GABRG3: variants seen among roughly 807,000 people sequenced by gnomAD.
The protein encoded by GABRG3 is gamma-aminobutyric acid receptor subunit gamma-3.
A neutral mutation model predicts 48.8 loss-of-function variants in GABRG3; 25 were observed. The observed-to-expected ratio is 0.51, with a 90% CI of 0.37 to 0.72. GABRG3 has a LOEUF of 0.72. Ranked by LOEUF, GABRG3 falls within the 30% of genes least tolerant of loss-of-function variation. The pLI is 0.00. For missense variants in GABRG3, 394 were observed against 577.9 expected, an observed-to-expected ratio of 0.68 and a Z score of 3.26; for synonymous variants, 227 against 217.6, an observed-to-expected ratio of 1.04 and a Z score of -0.38.
intron 5 of GABRG3, among the ~76,000 whole-genome samples, chr15:27,332,782 G>T (rs2140522543): frequency 6.6e-6 from 1 of 152,230 alleles, no homozygotes; most frequent in Non-Finnish European, 1.5e-5. Flanking sequence ...CAACTTTTAG[G>T]CTGGTCTTGG....
chr15:27,134,650 A>G (rs1398112242), intron 3 of GABRG3, among the ~76,000 whole-genome samples: 1 of 152,066 alleles, frequency 6.6e-6, no homozygotes, highest in Non-Finnish European at 1.5e-5. Context: ...CCTCAGAAAG[A>G]CCCAGGTGCA....
chr15:27,354,246 G>T (rs545821822), intron 5 of GABRG3, among the ~76,000 whole-genome samples: 1 of 152,330 alleles, frequency 6.6e-6, no homozygotes, highest in African/African-American at 2.4e-5. Flanking sequence ...GCATTTGTGA[G>T]TTATCATTTG....
At chr15:27,274,554 C>A (rs957118813) in intron 3 of GABRG3, among the ~76,000 whole-genome samples, 1 of 152,164 alleles carries the variant, frequency 6.6e-6, no homozygotes, top group Non-Finnish European at 1.5e-5. Context: ...AGAACTGTAC[C>A]AAGCCCAGTG....
At position 27,306,785 on chromosome 15, in the gene GABRG3, T is replaced by C. The variant is rs1243052261; in HGVS notation, c.271-20024T>C. ...ATATAAACATACAATATAAACATGTTTATATATAAACATACAATATAAACA... is the reference window on the plus strand; with the variant it reads ...ATATAAACATACAATATAAACATGTCTATATATAAACATACAATATAAACA... On this transcript the variant is annotated intron_variant, in intron 3 of 9. Transcript: ENST00000615808. Among the ~76,000 whole-genome samples, 6 of 105,972 alleles carry C rather than the reference T, an allele frequency of 5.7e-5. 1 individual carries two copies. Among genetic ancestry groups the C allele is most frequent in the African/African-American group, 2.4e-4 (6 of 25,250 alleles). 69.5% of individuals were successfully genotyped at this position (105,972 alleles called of 152,430 possible). A position where few individuals can be genotyped will look rare whatever the true frequency, so the allele number is the denominator to read the frequency against.
At chr15:26,991,789 C>T (rs535468870) in intron 2 of GABRG3, among the ~76,000 whole-genome samples, 2 of 152,080 alleles carry the variant, frequency 1.3e-5, no homozygotes, top group African/African-American at 4.8e-5. Context: ...GGCATGATCT[C>T]GGCTCACTGC....
chr15:27,182,416 G>A (rs1887960591), intron 3 of GABRG3, among the ~76,000 whole-genome samples: 1 of 152,182 alleles, frequency 6.6e-6, no homozygotes, highest in Non-Finnish European at 1.5e-5. Context: ...CTACATCCAT[G>A]GATTGTACAG....
intron 3 of GABRG3, among the ~76,000 whole-genome samples, chr15:27,314,450 G>C (rs1224064466): frequency 6.6e-6 from 1 of 152,154 alleles, no homozygotes; most frequent in South Asian, 2.1e-4. Context: ...TGGAGCCCTT[G>C]TACACCCTTG....
intron 3 of GABRG3, among the ~76,000 whole-genome samples, chr15:27,028,868 A>C (rs1054166547): frequency 1.3e-5 from 2 of 152,002 alleles, no homozygotes; most frequent in African/African-American, 4.8e-5. Flanking sequence ...CCCTGAAAAA[A>C]AACAAAAACT....
intron 5 of GABRG3, among the ~76,000 whole-genome samples, chr15:27,382,788 A>G (rs1373480105): frequency 6.6e-6 from 1 of 152,132 alleles, no homozygotes; most frequent in Non-Finnish European, 1.5e-5. Flanking sequence ...GAGAGGAGTC[A>G]TAGTATCAAG....
chr15:27,071,151 A>T (rs1896820483), intron 3 of GABRG3, among the ~76,000 whole-genome samples: 1 of 152,158 alleles, frequency 6.6e-6, no homozygotes, highest in African/African-American at 2.4e-5. Flanking sequence ...CTGTGTGTTT[A>T]AGTCACAACC....
At chr15:27,274,366 A>G (rs1038595238) in intron 3 of GABRG3, among the ~76,000 whole-genome samples, 39 of 152,184 alleles carry the variant, frequency 2.6e-4, no homozygotes, top group African/African-American at 8.4e-4. Context: ...GTTCGAGGGT[A>G]TGGTCCTGGC....
chr15:27,034,166 C>G (rs916251603), intron 3 of GABRG3, among the ~76,000 whole-genome samples: 1 of 152,174 alleles, frequency 6.6e-6, no homozygotes, highest in African/African-American at 2.4e-5. Flanking sequence ...GTATTGATGC[C>G]TTAATTTGAT....
intron 3 of GABRG3, among the ~76,000 whole-genome samples, chr15:27,143,015 A>C (rs578140162): frequency 9.8e-5 from 15 of 152,322 alleles, no homozygotes; most frequent in Non-Finnish European, 1.8e-4. Flanking sequence ...TCAGCCTCCC[A>C]AAATGCTAAG....
intron 5 of GABRG3, among the ~76,000 whole-genome samples, chr15:27,477,305 A>G (rs1889969278): frequency 6.6e-6 from 1 of 152,236 alleles, no homozygotes; most frequent in African/African-American, 2.4e-5. Flanking sequence ...AATGCATATT[A>G]CTAATAAGCA....
chr15:27,119,257 T>C lies in GABRG3; in HGVS notation c.270+92436T>C, dbSNP rs376174609. 2.1e-4 allele frequency among the ~76,000 whole-genome samples: 32 copies of C among 152,322 alleles called. No individual in the cohort carries two copies. In the East Asian group the frequency reaches 2.3e-3, roughly 11 times the overall value. On this transcript the variant is annotated intron_variant, in intron 3 of 9. Transcript: ENST00000615808. ...CAGACCCAAGCATAAACATATGCCA[T>C]TTTCCCTGTTTGTTTGGGTCTTCGT...
At chr15:27,370,161 TATC>T (rs749152012) in intron 5 of GABRG3, among the ~76,000 whole-genome samples, 105 of 152,242 alleles carry the variant, frequency 6.9e-4, no homozygotes, top group Non-Finnish European at 1.0e-3. Flanking sequence ...GTTACTCACT[TATC>T]ATCTCAGGTC....
At chr15:27,350,422 G>C (rs1366669237) in intron 5 of GABRG3, 11 of 321,818 alleles carry the variant, frequency 3.4e-5, no homozygotes, top group Non-Finnish European at 6.8e-5. Flanking sequence ...TTGTTTCTTT[G>C]TTTTTTCAAA....
At position 27,307,381 on chromosome 15, in the gene GABRG3, T is replaced by G. The variant is rs1309762378; in HGVS notation, c.271-19428T>G. ...TATATAACCATATAGGTTTATATAT[T>G]TATATATAACCATATAGGTTTATAT... On this transcript the variant is annotated intron_variant, in intron 3 of 9. Transcript: ENST00000615808. Among the ~76,000 whole-genome samples the G allele has an allele frequency of 8.3e-3, 728 of 87,570 alleles. 124 individuals are homozygous for G. The highest frequency in any genetic ancestry group is 0.01 in the Non-Finnish European group (415 of 41,110). The allele number at this position is 87,570 out of a possible 152,430, so 57.4% of individuals were successfully genotyped here. A position where few individuals can be genotyped will look rare whatever the true frequency, so the allele number is the denominator to read the frequency against.
chr15:27,176,190 C>A (rs1887740272), intron 3 of GABRG3, among the ~76,000 whole-genome samples: 1 of 152,150 alleles, frequency 6.6e-6, no homozygotes, highest in Non-Finnish European at 1.5e-5. Flanking sequence ...AAAGAGCTAG[C>A]CTTCAGCATT....
Sources: allele counts gnomAD v4.1 joint callset (sites outside exome capture counted in the v4.1 genomes callset), GRCh38; gene constraint gnomAD v4.1.1; transcripts MANE v1.5; gene names NCBI Gene and HGNC (gene_info 2026-07-23, HGNC 2026-07-21).